ERP44: variants seen among roughly 807,000 people sequenced by gnomAD.
ERP44 encodes the protein endoplasmic reticulum resident protein 44.
A neutral mutation model predicts 53.4 loss-of-function variants in ERP44; 25 were observed. The observed-to-expected ratio is 0.47, with a 90% confidence interval of 0.34 to 0.65. ERP44 has a LOEUF of 0.65. Ranked by LOEUF, ERP44 falls within the 30% of genes least tolerant of loss-of-function variation. The pLI is 0.01. For missense variants in ERP44, 338 were observed against 493.2 expected (o/e 0.69, Z 2.98); for synonymous variants, 145 against 161.2 (o/e 0.90, Z 0.76).
chr9:100,061,721 T>C (rs989634792), intron 1 of ERP44, among the ~76,000 whole-genome samples: 1 of 151,610 alleles, frequency 6.6e-6, no homozygotes, highest in Non-Finnish European at 1.5e-5. Context: ...CTATCATGTC[T>C]GTTAGCAACC....
chr9:100,098,325 G>T (rs1186415004), intron 1 of ERP44, among the ~76,000 whole-genome samples: 1 of 152,172 alleles, frequency 6.6e-6, no homozygotes, highest in Non-Finnish European at 1.5e-5. Context: ...AGCCACAACA[G>T]AGGGATCTGC....
chr9:100,027,142 GC>G (rs1332200722), intron 4 of ERP44, among the ~76,000 whole-genome samples: 3 of 152,192 alleles, frequency 2.0e-5, no homozygotes, highest in African/African-American at 7.2e-5. Flanking sequence ...GTAGAGCTGG[GC>G]TTTCAAAAAA....
intron 10 of ERP44, among the ~76,000 whole-genome samples, chr9:99,997,996 T>TG (rs1830331756): frequency 6.6e-6 from 1 of 152,158 alleles, no homozygotes; most frequent in South Asian, 2.1e-4. Flanking sequence ...GATCCAATAC[T>TG]AACTTTCTTC....
intron 4 of ERP44, among the ~76,000 whole-genome samples, chr9:100,048,796 T>C (rs1336408208): frequency 3.3e-5 from 5 of 152,182 alleles, no homozygotes; most frequent in East Asian, 3.8e-4. Flanking sequence ...ATTCCACTTA[T>C]GTGGAGTACC....
intron 4 of ERP44, among the ~76,000 whole-genome samples, chr9:100,027,464 G>A (rs1830665293): frequency 6.6e-6 from 1 of 151,278 alleles, no homozygotes; most frequent in Admixed American, 6.6e-5. Flanking sequence ...TACAAGCTTT[G>A]GCCAAAAGTG....
At chr9:100,006,469 A>T in intron 10 of ERP44, 37 bp downstream of exon 10, 1 of 1,459,140 alleles carries the variant, frequency 6.9e-7, no homozygotes, top group South Asian at 1.2e-5. Context: ...TTTGAAAAAC[A>T]TATCAGTAAT....
Position 100,061,397 on chromosome 9 carries a change from T to C in ERP44, c.58-1225A>G, listed in dbSNP as rs372183389. Among the ~76,000 whole-genome samples, 30 of 151,176 alleles carry C rather than the reference T, an allele frequency of 2.0e-4. No homozygotes were observed. The East Asian group carries it at 3.3e-3, about 17-fold the overall frequency. On this transcript the variant is annotated intron_variant, in intron 1 of 11. Coordinates refer to ENST00000262455, the MANE Select transcript of ERP44 (RefSeq NM_015051.3). ...AGGTGGAGGTTGCAGTGAGCTGAGATTGCACCACTGCACTCCAGCCTGGGC... is the reference window on the plus strand; with the variant it reads ...AGGTGGAGGTTGCAGTGAGCTGAGACTGCACCACTGCACTCCAGCCTGGGC...
intron 10 of ERP44, among the ~76,000 whole-genome samples, chr9:99,988,920 T>TGCTCACTGCTA (rs1449902051): frequency 1.2e-4 from 18 of 152,352 alleles, no homozygotes; most frequent in Admixed American, 1.1e-3. Flanking sequence ...CACAGAGCCT[T>TGCTCACTGCTA]GCTCACTGCT....
intron 8 of ERP44, among the ~76,000 whole-genome samples, chr9:100,015,078 T>C (rs1830514730): frequency 6.6e-6 from 1 of 152,178 alleles, no homozygotes; most frequent in African/African-American, 2.4e-5. Context: ...GAGGACTCCA[T>C]CTCATGAATG....
At chr9:100,085,096 G>A (rs927776960) in intron 1 of ERP44, among the ~76,000 whole-genome samples, 5 of 152,168 alleles carry the variant, frequency 3.3e-5, no homozygotes, top group African/African-American at 9.7e-5. Flanking sequence ...ATTTACTGAG[G>A]GCTCGGTTAT....
At position 99,982,725 on chromosome 9, in the gene ERP44, A is replaced by G; in HGVS notation, c.1120-12T>C. 6.4e-7 allele frequency: 1 copy of G among 1,555,252 alleles called. No homozygotes were observed. On this transcript the variant is annotated splice_polypyrimidine_tract_variant and intron_variant, in intron 11 of 11. Transcript: ENST00000262455. ...ACATCTTGGGCTTGCTACAAAAGAA[A>G]GAATAAAACATTTTTATACCAATAT...
intron 10 of ERP44, among the ~76,000 whole-genome samples, chr9:99,996,388 A>G (rs573769758): frequency 6.6e-6 from 1 of 152,294 alleles, no homozygotes; most frequent in African/African-American, 2.4e-5. Flanking sequence ...GCAGCATAAA[A>G]GCCCTCACCA....
intron 8 of ERP44, among the ~76,000 whole-genome samples, chr9:100,014,708 C>A (rs1271911606): frequency 6.6e-6 from 1 of 152,214 alleles, no homozygotes; most frequent in African/African-American, 2.4e-5. Context: ...TACATATTGT[C>A]TAAGGTTACT....
intron 2 of ERP44, among the ~76,000 whole-genome samples, chr9:100,058,863 T>C (rs1249462361): frequency 6.6e-6 from 1 of 152,248 alleles, no homozygotes; most frequent in Non-Finnish European, 1.5e-5. Flanking sequence ...AATTCCTTTC[T>C]TCCCTTTTTA....
At chr9:100,078,185 C>T (rs556325376) in intron 1 of ERP44, among the ~76,000 whole-genome samples, 2 of 152,270 alleles carry the variant, frequency 1.3e-5, no homozygotes, top group Admixed American at 6.5e-5. Context: ...AGGCCAGGTG[C>T]GGTGGCTCAT....
intron 8 of ERP44, among the ~76,000 whole-genome samples, chr9:100,010,301 A>G (rs996833615): frequency 3.9e-5 from 6 of 152,236 alleles, no homozygotes; most frequent in Non-Finnish European, 2.9e-5. Context: ...TTCCCCACAG[A>G]TTACATGATT....
intron 1 of ERP44, among the ~76,000 whole-genome samples, chr9:100,083,866 G>T (rs1400487729): frequency 6.6e-6 from 1 of 152,164 alleles, no homozygotes; most frequent in African/African-American, 2.4e-5. Context: ...CGGGAGAAAA[G>T]CTCTAAGATA....
At chr9:100,007,452 T>C (rs1156645485) in intron 9 of ERP44, 126 bp downstream of exon 9, 13 of 619,430 alleles carry the variant, frequency 2.1e-5, no homozygotes, top group Non-Finnish European at 5.8e-6. Context: ...CATTTGAATG[T>C]GTTAAAATAA....
chr9:100,078,224 G>GAGGAGGGCAGATCATCTGAAGTC (rs1826380496), intron 1 of ERP44, among the ~76,000 whole-genome samples: 1 of 152,070 alleles, frequency 6.6e-6, no homozygotes, highest in Admixed American at 6.5e-5. Flanking sequence ...TTGGGAGGCT[G>GAGGAGGGCAGATCATCTGAAGTC]AGGAGGGCAG....
Sources: allele counts gnomAD v4.1 joint callset (sites outside exome capture counted in the v4.1 genomes callset), GRCh38; gene constraint gnomAD v4.1.1; transcripts MANE v1.5; gene names NCBI Gene and HGNC (gene_info 2026-07-23, HGNC 2026-07-21).